DDX31: variants seen among roughly 807,000 people sequenced by gnomAD.
DDX31 encodes DEAD-box helicase 31, also known as ATP-dependent DNA helicase DDX31.
DDX31 carries 70 observed loss-of-function variants against 91.3 expected under a neutral mutation model. That is an observed-to-expected ratio of 0.77 (90% confidence interval 0.63 to 0.94). The LOEUF (loss-of-function observed/expected upper bound fraction) is 0.94, where lower values mean the gene tolerates loss of function less well. Among genes scored for constraint, DDX31 ranks in the 40% least tolerant of loss-of-function variants. The probability of loss-of-function intolerance (pLI) is 0.00; values close to 1 mark genes in which losing one functional copy is unlikely to be tolerated. For synonymous variants in DDX31, 362 were observed against 350.6 expected, an observed-to-expected ratio of 1.03 and a Z score of -0.36; for missense variants, 902 against 925.0, an observed-to-expected ratio of 0.98 and a Z score of 0.32.
intron 19 of DDX31, among the ~76,000 whole-genome samples, chr9:132,605,484 C>G (rs749592278): frequency 6.6e-6 from 1 of 152,166 alleles, no homozygotes; most frequent in African/African-American, 2.4e-5. Context: ...ACCTGACACA[C>G]TTGTGGTCCC....
At chr9:132,668,413 T>C (rs1321751408) in intron 1 of DDX31, among the ~76,000 whole-genome samples, 1 of 152,154 alleles carries the variant, frequency 6.6e-6, no homozygotes, top group East Asian at 1.9e-4. Context: ...CCAGTCCTCA[T>C]TCCTGAAACA....
rs1362280256 is a variant in DDX31, at chr9:132,661,231, G to A, written c.429C>T (p.Val143=). Residue 143 remains valine, a synonymous_variant, in exon 4 of 20, where the codon GTC becomes GTT. Transcript: ENST00000372159. ...HPHLISTINT[V]LKMSSMTSVQ... is the part of the protein sequence containing the mutation. Reference sequence around the variant, plus strand: ...ACCTGGTCATACTAGACATTTTTAAGACCGTATTTATTGTGGAAATCTAAA... The same window carrying A: ...ACCTGGTCATACTAGACATTTTTAAAACCGTATTTATTGTGGAAATCTAAA... 7 of 1,608,952 alleles carry A rather than the reference G, an allele frequency of 4.4e-6. No individual in the cohort carries two copies. The highest frequency in any genetic ancestry group is 1.7e-5 in the Admixed American group (1 of 58,946).
At chr9:132,623,014 G>T (rs1471467125) in intron 17 of DDX31, among the ~76,000 whole-genome samples, 4 of 151,566 alleles carry the variant, frequency 2.6e-5, no homozygotes, top group South Asian at 4.2e-4. Flanking sequence ...GTCTGTAATC[G>T]AGCTACTTGG....
intron 18 of DDX31, among the ~76,000 whole-genome samples, chr9:132,612,874 C>T (rs991063285): frequency 6.6e-6 from 1 of 152,122 alleles, no homozygotes; most frequent in Non-Finnish European, 1.5e-5. Context: ...CATAGGCAAT[C>T]CCTGATACCA....
At chr9:132,608,776 G>C (rs1425046668) in intron 19 of DDX31, among the ~76,000 whole-genome samples, 1 of 152,214 alleles carries the variant, frequency 6.6e-6, no homozygotes, top group Non-Finnish European at 1.5e-5. Context: ...TTTCAGCTCA[G>C]AACAGTAATT....
At chr9:132,666,715 T>G (rs998417807) in intron 1 of DDX31, among the ~76,000 whole-genome samples, 1 of 151,044 alleles carries the variant, frequency 6.6e-6, no homozygotes, top group African/African-American at 2.4e-5. Flanking sequence ...TGTTTTTGTT[T>G]TTTTTTTTTG....
At chr9:132,601,607 T>C (rs988268944) in intron 19 of DDX31, among the ~76,000 whole-genome samples, 3 of 152,248 alleles carry the variant, frequency 2.0e-5, no homozygotes, top group African/African-American at 7.2e-5. Flanking sequence ...CCATACTTCT[T>C]GCTGGGCAGT....
intron 15 of DDX31, 116 bp from the exon 16 acceptor site, chr9:132,630,519 G>T: frequency 9.2e-7 from 1 of 1,089,412 alleles, no homozygotes; most frequent in Non-Finnish European, 1.3e-6. Flanking sequence ...TGGTGCTATG[G>T]TTACCCTAAC....
At chr9:132,665,941 C>T (rs1268195755) in intron 1 of DDX31, among the ~76,000 whole-genome samples, 2 of 152,186 alleles carry the variant, frequency 1.3e-5, no homozygotes, top group Middle Eastern at 3.2e-3. Flanking sequence ...ATTCTAGAGG[C>T]CTCACAACAA....
At chr9:132,620,065 C>T (rs192597527) in intron 17 of DDX31, among the ~76,000 whole-genome samples, 4 of 151,966 alleles carry the variant, frequency 2.6e-5, no homozygotes, top group South Asian at 2.1e-4. Context: ...TATTGAAAGC[C>T]GGGCAGCCAG....
chr9:132,651,698 TAAC>T (rs1166794888), intron 7 of DDX31, among the ~76,000 whole-genome samples: 17 of 152,296 alleles, frequency 1.1e-4, no homozygotes, highest in Admixed American at 7.8e-4. Context: ...CTACAACCAT[TAAC>T]AACCTTCAAA....
chr9:132,645,005 G>A (rs892389946), intron 13 of DDX31, among the ~76,000 whole-genome samples: 6 of 152,180 alleles, frequency 3.9e-5, no homozygotes, highest in Admixed American at 6.5e-5. Context: ...GTTTAGGATC[G>A]TGTCAAACCT....
chr9:132,654,694 C>T (rs1438722084), intron 6 of DDX31, among the ~76,000 whole-genome samples: 1 of 149,634 alleles, frequency 6.7e-6, no homozygotes, highest in Non-Finnish European at 1.5e-5. Flanking sequence ...GCCTGTAATC[C>T]CAGCACTATG....
chr9:132,601,781 C>T (rs575876843), intron 19 of DDX31, among the ~76,000 whole-genome samples: 1 of 152,342 alleles, frequency 6.6e-6, no homozygotes, highest in East Asian at 1.9e-4. Context: ...AAACAAGCCC[C>T]TCTGAGCAGG....
At chr9:132,648,661 G>T in intron 9 of DDX31, 110 bp from the exon 10 acceptor site, 1 of 1,305,074 alleles carries the variant, frequency 7.7e-7, no homozygotes, top group Non-Finnish European at 1.0e-6. Flanking sequence ...CAGTGCAAAC[G>T]TGCCATAGCC....
intron 1 of DDX31, among the ~76,000 whole-genome samples, chr9:132,668,472 GAA>G (rs981701209): frequency 2.6e-5 from 4 of 152,076 alleles, no homozygotes; most frequent in African/African-American, 9.7e-5. Context: ...AAAAATATCT[GAA>G]GAGACTTATT....
chr9:132,661,616 C>T (rs1834952552), intron 3 of DDX31, among the ~76,000 whole-genome samples: 1 of 152,114 alleles, frequency 6.6e-6, no homozygotes, highest in South Asian at 2.1e-4. Flanking sequence ...CCTGATCCAC[C>T]CCCCAGGTGA....
Position 132,661,243 on chromosome 9 carries a change from T to C in DDX31, c.417A>G (p.Thr139=). Residue 139 remains threonine (T), a synonymous_variant, in exon 4 of 20, where the codon ACA becomes ACG. Coordinates refer to ENST00000372159, the MANE Select transcript of DDX31 (RefSeq NM_022779.9). The part of the protein sequence containing the change: ...ELGLHPHLIS[T]INTVLKMSSM... ...TAGACATTTTTAAGACCGTATTTAT[T>C]GTGGAAATCTAAAAGAGGAGATGAA... is the stretch of plus-strand genomic sequence containing the variant. The C allele has an allele frequency of 6.2e-7, 1 of 1,604,676 alleles. No individual in the cohort carries two copies. The highest frequency in any genetic ancestry group is 1.7e-5 in the Admixed American group (1 of 58,036).
chr9:132,613,567 G>A (rs1211925363), intron 18 of DDX31, among the ~76,000 whole-genome samples: 1 of 152,132 alleles, frequency 6.6e-6, no homozygotes, highest in Non-Finnish European at 1.5e-5. Flanking sequence ...GGTGGCAGGT[G>A]CCTGTAATCC....
Sources: allele counts gnomAD v4.1 joint callset (sites outside exome capture counted in the v4.1 genomes callset), GRCh38; gene constraint gnomAD v4.1.1; transcripts MANE v1.5; gene names NCBI Gene and HGNC (gene_info 2026-07-23, HGNC 2026-07-21).